GLS: variants seen among roughly 807,000 people sequenced by gnomAD.
GLS encodes glutaminase kidney isoform, mitochondrial.
Under a neutral mutation model 86.7 loss-of-function variants are expected in GLS, and 36 were observed. The observed-to-expected ratio is 0.42, with a 90% CI of 0.32 to 0.55. The LOEUF (loss-of-function observed/expected upper bound fraction) is 0.55. Among genes scored for constraint, GLS ranks in the 20% least tolerant of loss-of-function variants. GLS has a pLI of 0.17. For synonymous variants in GLS, 317 were observed against 305.9 expected (o/e 1.04, Z -0.38); for missense variants, 528 against 833.4 (o/e 0.63, Z 4.51).
rs1688122284 is a variant in GLS, at chr2:190,880,909, G to GCAC, written c.-174_-173insCCA. 6.4e-6 allele frequency: 6 copies of GCAC among 938,434 alleles called. No homozygotes were observed. The highest frequency in any genetic ancestry group is 2.8e-5 in the South Asian group (2 of 70,946). The allele number at this position is 938,434 out of a possible 1,614,324, so 58.1% of individuals were successfully genotyped here. A position where few individuals can be genotyped will look rare whatever the true frequency, so the allele number is the denominator to read the frequency against. On this transcript the variant is annotated 5_prime_UTR_variant, in exon 1 of 18. Coordinates refer to ENST00000320717, the MANE Select transcript of GLS (RefSeq NM_014905.5). ...AGCAGCAGCAGCAGCAGCAGCAGCA[G>GCAC]CAGCAGCAGCACCCGCATCCGCTGC...
At chr2:190,957,137 C>G (rs1690878728) in intron 17 of GLS, among the ~76,000 whole-genome samples, 1 of 152,236 alleles carries the variant, frequency 6.6e-6, no homozygotes. Flanking sequence ...GTCAGCCAGG[C>G]TGGAGTGCAG....
rs1574622257 is a variant in GLS, at chr2:190,954,675, A to G, written c.1789+15A>G. The G allele has an allele frequency of 5.6e-6, 9 of 1,606,504 alleles. No homozygotes were observed. The East Asian group carries it at 1.8e-4, about 32-fold the overall frequency. On this transcript the variant is annotated intron_variant, in intron 16 of 17. Transcript: ENST00000320717. The surrounding 1 kb of genome is among the most constrained non-coding windows in gnomAD (Gnocchi z 4.0). ...TGCTGCAGAGGGTAATACAGGAACT[A>G]CTCCTATCTATTTTCTTTCCAGATT...
chr2:190,901,855 A>G, intron 4 of GLS, 92 bp from the exon 5 acceptor site: 1 of 785,282 alleles, frequency 1.3e-6, no homozygotes, highest in South Asian at 1.4e-5. Flanking sequence ...TCATTGGTAG[A>G]AGGTAAAATG....
chr2:190,944,102 CTCATCTATTT>C (rs978539753), intron 14 of GLS, among the ~76,000 whole-genome samples: 2 of 152,064 alleles, frequency 1.3e-5, no homozygotes, highest in Non-Finnish European at 2.9e-5. Context: ...GGAAGAGAAC[CTCATCTATTT>C]TCAGGGACCT....
chr2:190,881,093 G>T lies in GLS; in HGVS notation c.9G>T (p.Arg3=). The change falls in exon 1 of 18, where the codon CGG becomes CGT. Residue 3 remains arginine (R), a synonymous_variant. Coordinates refer to ENST00000320717, the MANE Select transcript of GLS (RefSeq NM_014905.5). MM[R]LRGSGMLRDL... is the part of the protein sequence containing the mutation. ...CTGACGGACCCGGCGGCATGATGCG[G>T]CTGCGAGGCTCGGGGATGCTGCGGG... 1 of 1,560,848 alleles carries T rather than the reference G, an allele frequency of 6.4e-7. No homozygotes were observed. The highest frequency in any genetic ancestry group is 8.6e-7 in the Non-Finnish European group (1 of 1,160,920).
chr2:190,960,780 GT>G (rs1690982674), intron 17 of GLS, among the ~76,000 whole-genome samples: 1 of 152,132 alleles, frequency 6.6e-6, no homozygotes, highest in African/African-American at 2.4e-5. Context: ...TAGCAATTTT[GT>G]AAGTTTGCTA....
At chr2:190,946,119 G>T (rs942166523) in intron 14 of GLS, among the ~76,000 whole-genome samples, 8 of 151,952 alleles carry the variant, frequency 5.3e-5, no homozygotes, top group African/African-American at 1.9e-4. Flanking sequence ...TATTAAATAA[G>T]CTCAGTAGTA....
intron 12 of GLS, 188 bp downstream of exon 12, chr2:190,927,670 C>G (rs1689943799): frequency 2.1e-6 from 1 of 485,658 alleles, no homozygotes; most frequent in African/African-American, 2.0e-5. Context: ...TTCTTAAGAA[C>G]TTGGAAGTTT....
chr2:190,938,161 C>T lies in GLS; in HGVS notation c.1650+6524C>T, dbSNP rs1690328588. 2.0e-5 allele frequency among the ~76,000 whole-genome samples: 3 copies of T among 151,286 alleles called. No homozygotes were observed. The highest frequency in any genetic ancestry group is 7.2e-5 in the African/African-American group (3 of 41,432). ...TATCTGAGGATATGATTTTTCTGTA[C>T]ATAGTATGATTAAAAATAATGGTAT... On this transcript the variant is annotated intron_variant, in intron 14 of 17. Coordinates refer to ENST00000320717, the MANE Select transcript of GLS (RefSeq NM_014905.5). This position sits in a 1 kb window ranked among gnomAD's most constrained non-coding sequence, Gnocchi z 4.1.
chr2:190,952,012 C>G (rs901810727), intron 14 of GLS, among the ~76,000 whole-genome samples: 1 of 152,208 alleles, frequency 6.6e-6, no homozygotes, highest in African/African-American at 2.4e-5. Context: ...CAAGACCAGC[C>G]TGGCCAACAT....
intron 9 of GLS, among the ~76,000 whole-genome samples, chr2:190,922,369 G>A (rs1245752189): frequency 6.6e-6 from 1 of 151,980 alleles, no homozygotes; most frequent in African/African-American, 2.4e-5. Flanking sequence ...CGCATTTCAG[G>A]GGTAAACATT....
chr2:190,948,814 G>A (rs1185253448), intron 14 of GLS, among the ~76,000 whole-genome samples: 1 of 152,190 alleles, frequency 6.6e-6, no homozygotes, highest in Non-Finnish European at 1.5e-5. Flanking sequence ...TAACATATCA[G>A]TGAGAAATGG....
chr2:190,942,569 T>G (rs1690469539), intron 14 of GLS, among the ~76,000 whole-genome samples: 1 of 152,098 alleles, frequency 6.6e-6, no homozygotes, highest in Non-Finnish European at 1.5e-5. Context: ...CACTTGGTGA[T>G]CGTTTTTGGT....
At chr2:190,960,752 T>C (rs1026277858) in intron 17 of GLS, among the ~76,000 whole-genome samples, 3 of 152,180 alleles carry the variant, frequency 2.0e-5, no homozygotes, top group Non-Finnish European at 4.4e-5. Flanking sequence ...AAAAGTTATG[T>C]CAGTGTCTGA....
rs1689423230 is a variant in GLS, at chr2:190,913,407, T to G, written c.1038+3086T>G. Reference sequence around the variant, plus strand: ...AACAAATGTAATTTTATACTTAAAATGCACATAATTTTTAAAAATCATAAG... The same window carrying G: ...AACAAATGTAATTTTATACTTAAAAGGCACATAATTTTTAAAAATCATAAG... On this transcript the variant is annotated intron_variant, in intron 7 of 17. Coordinates refer to ENST00000320717, the MANE Select transcript of GLS (RefSeq NM_014905.5). The surrounding 1 kb of genome is among the most constrained non-coding windows in gnomAD (Gnocchi z 6.1). 16 of 947,308 alleles carry G rather than the reference T, an allele frequency of 1.7e-5. No homozygotes were observed. Among genetic ancestry groups the G allele is most frequent in the Non-Finnish European group, 2.0e-5 (15 of 747,128 alleles). 58.7% of individuals were successfully genotyped at this position (947,308 alleles called of 1,614,324 possible).
intron 14 of GLS, among the ~76,000 whole-genome samples, chr2:190,948,286 G>A (rs1229063492): frequency 6.6e-6 from 1 of 152,064 alleles, no homozygotes; most frequent in Non-Finnish European, 1.5e-5. Context: ...GCGAGCTAGT[G>A]TTTTTCCCTT....
chr2:190,881,211 C>T lies in GLS; in HGVS notation c.127C>T (p.Arg43Trp). 4 of 1,249,186 alleles carry T rather than the reference C, an allele frequency of 3.2e-6. No homozygotes were observed. The East Asian group carries it at 1.3e-4, about 41-fold the overall frequency. The allele number at this position is 1,249,186 out of a possible 1,614,324, so 77.4% of individuals were successfully genotyped here. A position where few individuals can be genotyped will look rare whatever the true frequency, so the allele number is the denominator to read the frequency against. Residue 43 changes from arginine to tryptophan, a missense_variant, in exon 1 of 18, where the codon CGG becomes TGG. By Grantham distance (101) the Arg-to-Trp change is moderately radical. Coordinates refer to ENST00000320717, the MANE Select transcript of GLS (RefSeq NM_014905.5). ...GTGCCGGCGTCCCCGAGGCGGGGGA[C>T]GGCCGGCCGCGGGCCCGGCTGCCGC... ...TLCRRPRGGG[R>W]PAAGPAAAAR...
At position 190,881,106 on chromosome 2, in the gene GLS, G is replaced by T; in HGVS notation, c.22G>T (p.Gly8Trp). 6.4e-7 allele frequency: 1 copy of T among 1,562,304 alleles called. No homozygotes were observed. Among genetic ancestry groups the T allele is most frequent in the East Asian group, 2.4e-5 (1 of 42,064 alleles). MMRLRGSGMLRDLLLRSP... is the reference protein window; with the variant it reads MMRLRGSWMLRDLLLRSP... ...CGGCATGATGCGGCTGCGAGGCTCG[G>T]GGATGCTGCGGGACCTGCTCCTGCG... The change falls in exon 1 of 18, where the codon GGG (glycine) becomes TGG (tryptophan). Residue 8 changes from glycine (G) to tryptophan (W), a missense_variant. Around this residue, in one of 4 missense-constraint regions of GLS, gnomAD observed 224 missense variants for 187.9 expected, o/e 1.19. Coordinates refer to ENST00000320717, the MANE Select transcript of GLS (RefSeq NM_014905.5).
At position 190,955,427 on chromosome 2, in the gene GLS, C is replaced by T. The variant is rs544561206; in HGVS notation, c.1853+609C>T. The stretch of plus-strand genomic sequence containing the variant: ...GTTTGCTGAGAATGATGGTTTCCAG[C>T]TTCACCCATGTCCCTGCAAAGGACA... On this transcript the variant is annotated intron_variant, in intron 17 of 17. Coordinates refer to ENST00000320717, the MANE Select transcript of GLS (RefSeq NM_014905.5). This position sits in a 1 kb window ranked among gnomAD's most constrained non-coding sequence, Gnocchi z 5.6. 5.9e-5 allele frequency among the ~76,000 whole-genome samples: 9 copies of T among 152,282 alleles called. No homozygotes were observed. Among genetic ancestry groups the T allele is most frequent in the African/African-American group, 2.2e-4 (9 of 41,544 alleles).
Sources: gnomAD v4.1 joint callset for allele counts (sites outside exome capture counted in the v4.1 genomes callset) on GRCh38, gnomAD v4.1.1 for gene constraint, gnomAD v4.1.1 regional missense constraint, Gnocchi (gnomAD v3.1) non-coding constraint, MANE v1.5 for transcripts, NCBI Gene and HGNC (gene_info 2026-07-23, HGNC 2026-07-21) for gene names.